TSNARE1: variants seen among roughly 807,000 people sequenced by gnomAD.
TSNARE1 encodes the protein t-SNARE domain-containing protein 1.
In TSNARE1, 49 loss-of-function variants were observed where a neutral mutation model predicts 62.0. The ratio of observed to expected loss-of-function variants is 0.79; its 90% confidence interval spans 0.63 to 1.00. The LOEUF is 1.00. Among genes scored for constraint, TSNARE1 ranks in the 50% least tolerant of loss-of-function variants. The probability of loss-of-function intolerance (pLI) is 0.00; values close to 1 mark genes in which losing one functional copy is unlikely to be tolerated. For synonymous variants in TSNARE1, 328 were observed against 294.4 expected (o/e 1.11, Z -1.17); for missense variants, 755 against 700.1 (o/e 1.08, Z -0.88).
intron 10 of TSNARE1, among the ~76,000 whole-genome samples, chr8:142,286,797 AC>A (rs760637753): frequency 3.0e-4 from 45 of 152,168 alleles, no homozygotes; most frequent in South Asian, 1.0e-3. Flanking sequence ...GCATGACCTC[AC>A]CACCAACTTC....
At chr8:142,227,342 C>A (rs1171037475) in intron 13 of TSNARE1, among the ~76,000 whole-genome samples, 16 of 111,744 alleles carry the variant, frequency 1.4e-4, no homozygotes, top group African/African-American at 1.1e-3. Context: ...GCCAGGACCC[C>A]CATCCTGCCC....
intron 10 of TSNARE1, among the ~76,000 whole-genome samples, chr8:142,292,626 G>A (rs1823990659): frequency 6.6e-6 from 1 of 152,152 alleles, no homozygotes. Context: ...CCCTTGGAAT[G>A]AGAAGCAAGG....
chr8:142,273,085 G>A, intron 12 of TSNARE1: 1 of 985,428 alleles, frequency 1.0e-6, no homozygotes, highest in Non-Finnish European at 1.2e-6. Flanking sequence ...GGGGGGCGGT[G>A]CCTGCTCTGC....
Position 142,362,341 on chromosome 8 carries a change from G to A in TSNARE1, c.-39-7578C>T, listed in dbSNP as rs111460690. On this transcript the variant is annotated intron_variant, in intron 1 of 13. Coordinates refer to ENST00000524325, the MANE Select transcript of TSNARE1 (RefSeq NM_145003.5). Reference sequence around the variant, plus strand: ...CCTTACCTGGCCTCAACAGACCCACGTTGACAGCAGTAGGTCACCTCCCTG... The same window carrying A: ...CCTTACCTGGCCTCAACAGACCCACATTGACAGCAGTAGGTCACCTCCCTG... 5.3e-3 allele frequency among the ~76,000 whole-genome samples: 812 copies of A among 152,240 alleles called. 8 individuals carry two copies. Among genetic ancestry groups the A allele is most frequent in the African/African-American group, 0.019 (790 of 41,538 alleles).
intron 8 of TSNARE1, 84 bp from the exon 9 acceptor site, chr8:142,314,524 G>T: frequency 8.1e-7 from 1 of 1,237,998 alleles, no homozygotes; most frequent in Non-Finnish European, 1.2e-6. Context: ...TGAGTGCAGG[G>T]CTCTGGACGA....
At chr8:142,246,502 C>CTTCA (rs1817889225) in intron 12 of TSNARE1, among the ~76,000 whole-genome samples, 1 of 152,112 alleles carries the variant, frequency 6.6e-6, no homozygotes, top group African/African-American at 2.4e-5. Flanking sequence ...ACAACCCCAG[C>CTTCA]TTCATTCATT....
chr8:142,391,581 C>T (rs1837533160), intron 1 of TSNARE1, among the ~76,000 whole-genome samples: 3 of 152,210 alleles, frequency 2.0e-5, no homozygotes, highest in Admixed American at 2.0e-4. Flanking sequence ...TGGGGCTCTG[C>T]GGTTCCTGGC....
intron 4 of TSNARE1, among the ~76,000 whole-genome samples, chr8:142,338,941 T>C (rs1220185984): frequency 1.3e-5 from 2 of 152,128 alleles, no homozygotes; most frequent in African/African-American, 2.4e-5. Flanking sequence ...TGAGATGCCT[T>C]GGCCCTGCTA....
At chr8:142,281,720 G>T (rs560721784) in intron 11 of TSNARE1, among the ~76,000 whole-genome samples, 28 of 152,144 alleles carry the variant, frequency 1.8e-4, no homozygotes, top group African/African-American at 6.5e-4. Flanking sequence ...CCCAGGGTGG[G>T]TGAGCAACCA....
intron 6 of TSNARE1, among the ~76,000 whole-genome samples, chr8:142,322,044 A>G (rs1829551844): frequency 6.6e-6 from 1 of 152,264 alleles, no homozygotes; most frequent in South Asian, 2.1e-4. Context: ...AAGAGATAGT[A>G]TACCATGACC....
At chr8:142,394,328 G>A (rs184326128) in intron 1 of TSNARE1, among the ~76,000 whole-genome samples, 12 of 152,270 alleles carry the variant, frequency 7.9e-5, no homozygotes, top group African/African-American at 1.2e-4. Flanking sequence ...CGGGTGGACC[G>A]GACAGCTCGG....
chr8:142,221,458 C>T (rs919200875), intron 13 of TSNARE1, among the ~76,000 whole-genome samples: 1 of 152,254 alleles, frequency 6.6e-6, no homozygotes, highest in Non-Finnish European at 1.5e-5. Context: ...CCCTGACCTG[C>T]TATGCTCCTC....
chr8:142,238,056 C>T (rs1817519061), intron 12 of TSNARE1, among the ~76,000 whole-genome samples: 1 of 152,150 alleles, frequency 6.6e-6, no homozygotes. Flanking sequence ...CCAGGAAGCA[C>T]ATCCGCTTCA....
intron 10 of TSNARE1, among the ~76,000 whole-genome samples, chr8:142,284,763 C>G (rs1265962041): frequency 6.6e-6 from 1 of 152,226 alleles, no homozygotes; most frequent in African/African-American, 2.4e-5. Context: ...CAAACCCCAA[C>G]CTCTCCAGGT....
intron 1 of TSNARE1, among the ~76,000 whole-genome samples, chr8:142,378,223 G>A (rs1265742894): frequency 2.0e-5 from 3 of 152,202 alleles, no homozygotes; most frequent in Non-Finnish European, 4.4e-5. Flanking sequence ...AGCATCACAA[G>A]GGAGAAGGCG....
intron 6 of TSNARE1, among the ~76,000 whole-genome samples, chr8:142,324,632 C>G (rs1563915458): frequency 1.3e-5 from 2 of 152,236 alleles, no homozygotes; most frequent in African/African-American, 4.8e-5. Flanking sequence ...CCATGACCAC[C>G]TGTGTTTTAC....
At chr8:142,300,313 G>T in intron 10 of TSNARE1, 173 bp downstream of exon 10, 2 of 679,972 alleles carry the variant, frequency 2.9e-6, no homozygotes, top group Non-Finnish European at 4.7e-6. Context: ...CTCCCTTATT[G>T]GACCAGATGG....
intron 4 of TSNARE1, among the ~76,000 whole-genome samples, chr8:142,332,981 T>C (rs566195545): frequency 5.3e-5 from 8 of 152,248 alleles, no homozygotes; most frequent in African/African-American, 1.9e-4. Context: ...GCAAGGAAAC[T>C]CCAGGCACGC....
At chr8:142,318,479 C>T (rs926287609) in intron 7 of TSNARE1, 65 bp downstream of exon 7, 12 of 1,493,574 alleles carry the variant, frequency 8.0e-6, no homozygotes, top group South Asian at 1.1e-5. Flanking sequence ...GACATCCCTG[C>T]TCCCATCACA....
Sources: gnomAD v4.1 joint callset for allele counts (sites outside exome capture counted in the v4.1 genomes callset) on GRCh38, gnomAD v4.1.1 for gene constraint, MANE v1.5 for transcripts, NCBI Gene and HGNC (gene_info 2026-07-23, HGNC 2026-07-21) for gene names.